Variants in BRIP1 observed in about 807,000 individuals in gnomAD.
BRIP1 encodes the protein BRCA1 interacting DNA helicase 1, also known as Fanconi anemia group J protein.
A neutral mutation model predicts 119.7 loss-of-function variants in BRIP1; 88 were observed. The ratio of observed to expected loss-of-function variants is 0.74; its 90% CI spans 0.62 to 0.88. The LOEUF is 0.88. BRIP1 is among the 40% of genes least tolerant of loss of function. BRIP1 has a pLI of 0.00. For missense variants in BRIP1, 1,259 were observed against 1,455.4 expected (o/e 0.87, Z 2.20); for synonymous variants, 443 against 496.5 (o/e 0.89, Z 1.43).
In BRIP1 at chr17:61,780,209, A is replaced by G. The variant is rs905597900; in HGVS notation, c.1935+52T>C. On this transcript the variant is annotated intron_variant, in intron 13 of 19. Coordinates refer to ENST00000259008, the MANE Select transcript of BRIP1 (RefSeq NM_032043.3). The surrounding 1 kb of genome is among the most constrained non-coding windows in gnomAD (Gnocchi z 5.4). ...TATCTTCTAACTTGTTTACATAGTT[A>G]TATTGAAGTAGAAACACTGAAGGCC... 4 of 1,549,360 alleles carry G rather than the reference A, an allele frequency of 2.6e-6. No individual in the cohort carries two copies. Among genetic ancestry groups the G allele is most frequent in the Admixed American group, 1.7e-5 (1 of 59,014 alleles).
rs553462725 is a variant in BRIP1 at position 61,846,242 on chromosome 17, G to A, written c.627+859C>T. Among the ~76,000 whole-genome samples, 804 of 123,586 alleles carry A rather than the reference G, an allele frequency of 6.5e-3. 4 individuals are homozygous for A. Among genetic ancestry groups the A allele is most frequent in the African/African-American group, 0.023 (382 of 16,408 alleles). The allele number at this position is 123,586 out of a possible 152,430, so 81.1% of individuals were successfully genotyped here. A position where few individuals can be genotyped will look rare whatever the true frequency, so the allele number is the denominator to read the frequency against. ...ATATACATATAGAGAGAGAGAGAGAGAAAAAGAGAGAGAGAGAGAAAGAGA... is the reference window on the plus strand; with the variant it reads ...ATATACATATAGAGAGAGAGAGAGAAAAAAAGAGAGAGAGAGAGAAAGAGA... On this transcript the variant is annotated intron_variant, in intron 6 of 19. Transcript: ENST00000259008. This position sits in a 1 kb window ranked among gnomAD's most constrained non-coding sequence, Gnocchi z 4.3.
intron 6 of BRIP1, among the ~76,000 whole-genome samples, chr17:61,837,491 C>A (rs562679372): frequency 6.6e-6 from 1 of 151,986 alleles, no homozygotes; most frequent in East Asian, 1.9e-4. Flanking sequence ...TACATTAAAT[C>A]AAATATAATT....
At chr17:61,829,783 G>T (rs2078461849) in intron 6 of BRIP1, among the ~76,000 whole-genome samples, 1 of 151,788 alleles carries the variant, frequency 6.6e-6, no homozygotes, top group African/African-American at 2.4e-5. Context: ...GAAATCACAA[G>T]GGAAATCAGA....
In BRIP1 at chr17:61,834,905, C is replaced by T. The variant is rs2078548258; in HGVS notation, c.627+12196G>A. On this transcript the variant is annotated intron_variant, in intron 6 of 19. Coordinates refer to ENST00000259008, the MANE Select transcript of BRIP1 (RefSeq NM_032043.3). This position sits in a 1 kb window ranked among gnomAD's most constrained non-coding sequence, Gnocchi z 4.4. ...AGCAGAAGAAATGCCCAGCTGAGCCCACCCTAAATTGCTGACCCCCACAAC... is the reference window on the plus strand; with the variant it reads ...AGCAGAAGAAATGCCCAGCTGAGCCTACCCTAAATTGCTGACCCCCACAAC... 6.6e-6 allele frequency among the ~76,000 whole-genome samples: 1 copy of T among 152,144 alleles called. No homozygotes were observed. Among genetic ancestry groups the T allele is most frequent in the Non-Finnish European group, 1.5e-5 (1 of 68,030 alleles).
At position 61,808,695 on chromosome 17, in the gene BRIP1, C is replaced by T. The variant is rs751460179; in HGVS notation, c.690G>A (p.Ser230=). 9 of 1,613,688 alleles carry T rather than the reference C, an allele frequency of 5.6e-6. No individual in the cohort carries two copies. The highest frequency in any genetic ancestry group is 3.3e-5 in the South Asian group (3 of 91,072). The change falls in exon 7 of 20, where the codon TCG becomes TCA. Residue 230 remains serine (S), a synonymous_variant. Transcript: ENST00000259008. The surrounding 1 kb of genome is among the most constrained non-coding windows in gnomAD (Gnocchi z 4.1). ...STKQGNSQES[S]NTIKKDHTGK... is the part of the protein sequence containing the mutation. ...CTGTATGATCCTTCTTAATGGTATTCGATGACTCTTGACTGTTTCCTTGTT... is the reference window on the plus strand; with the variant it reads ...CTGTATGATCCTTCTTAATGGTATTTGATGACTCTTGACTGTTTCCTTGTT...
Position 61,804,120 on chromosome 17 carries a change from A to G in BRIP1, c.919-2646T>C, listed in dbSNP as rs530723610. Among the ~76,000 whole-genome samples the G allele has an allele frequency of 5.9e-5, 9 of 152,250 alleles. No individual in the cohort carries two copies. The highest frequency in any genetic ancestry group is 2.0e-4 in the Admixed American group (3 of 15,290). On this transcript the variant is annotated intron_variant, in intron 7 of 19. Transcript: ENST00000259008. The surrounding 1 kb of genome is among the most constrained non-coding windows in gnomAD (Gnocchi z 4.5). The stretch of plus-strand genomic sequence containing the variant: ...CATTCTGGTAGAATAGATATATAAA[A>G]TCTTACAGTAGTTACCTTAAAGGAT...
At position 61,774,135 on chromosome 17, in the gene BRIP1, A is replaced by C. The variant is rs1399870224; in HGVS notation, c.2097+2266T>G. Among the ~76,000 whole-genome samples, 1 of 152,232 alleles carries C rather than the reference A, an allele frequency of 6.6e-6. No homozygotes were observed. Among genetic ancestry groups the C allele is most frequent in the Non-Finnish European group, 1.5e-5 (1 of 68,026 alleles). ...CATGCTACTATAAAGACACATGCAT[A>C]CGTATATTTATTGCAGCCTATTCAC... On this transcript the variant is annotated intron_variant, in intron 14 of 19. Coordinates refer to ENST00000259008, the MANE Select transcript of BRIP1 (RefSeq NM_032043.3). This position sits in a 1 kb window ranked among gnomAD's most constrained non-coding sequence, Gnocchi z 5.8.
At chr17:61,863,006 A>G (rs1178534112) in intron 1 of BRIP1, among the ~76,000 whole-genome samples, 23 of 152,174 alleles carry the variant, frequency 1.5e-4, no homozygotes, top group Non-Finnish European at 1.5e-5. Context: ...CTGTGGCAAC[A>G]ATAGTGTCAA....
At chr17:61,826,994 C>T (rs2078419318) in intron 6 of BRIP1, among the ~76,000 whole-genome samples, 1 of 152,180 alleles carries the variant, frequency 6.6e-6, no homozygotes. Flanking sequence ...AAGCACTATG[C>T]ACAATAGCAA....
rs765483944 is a variant in BRIP1, at chr17:61,774,531, G to C, written c.2097+1870C>G. Among the ~76,000 whole-genome samples the C allele has an allele frequency of 9.2e-5, 14 of 151,926 alleles. No individual in the cohort carries two copies. The highest frequency in any genetic ancestry group is 3.1e-4 in the African/African-American group (13 of 41,334). On this transcript the variant is annotated intron_variant, in intron 14 of 19. Coordinates refer to ENST00000259008, the MANE Select transcript of BRIP1 (RefSeq NM_032043.3). This position sits in a 1 kb window ranked among gnomAD's most constrained non-coding sequence, Gnocchi z 5.8. ...GCAAACCAGCATGGCACATGTATAC[G>C]TATGTAACAAACCTGCACGTTGTGC...
Position 61,744,399 on chromosome 17 carries a change from T to G in BRIP1, c.2257+33A>C. 1 of 1,603,538 alleles carries G rather than the reference T, an allele frequency of 6.2e-7. No homozygotes were observed. Among genetic ancestry groups the G allele is most frequent in the East Asian group, 2.2e-5 (1 of 44,706 alleles). ...CTTCTTACTTTGTAATAAAAAATAT[T>G]TTTTCACCGACCATGAAATAATTTC... On this transcript the variant is annotated intron_variant, in intron 15 of 19. Transcript: ENST00000259008. The surrounding 1 kb of genome is among the most constrained non-coding windows in gnomAD (Gnocchi z 5.0).
chr17:61,801,974 AG>A (rs1318156114), intron 7 of BRIP1, among the ~76,000 whole-genome samples: 2 of 152,138 alleles, frequency 1.3e-5, no homozygotes, highest in African/African-American at 2.4e-5. Flanking sequence ...GAAGGTAAGT[AG>A]GTAGGTTGGA....
At chr17:61,837,008 A>G (rs934998199) in intron 6 of BRIP1, among the ~76,000 whole-genome samples, 2 of 152,238 alleles carry the variant, frequency 1.3e-5, no homozygotes, top group Non-Finnish European at 2.9e-5. Context: ...TCTGTGGCTC[A>G]GTTTCCTCAG....
rs375146450 is a variant in BRIP1, at chr17:61,743,067, A to C, written c.2325T>G (p.Asn775Lys). ...VSEGLDFSDD[N>K]ARAVITIGIP... ...TTCCTATTGTTATGACAGCACGGGCATTGTCATCTGAGAAATCCAGACCCT... is the reference window on the plus strand; with the variant it reads ...TTCCTATTGTTATGACAGCACGGGCCTTGTCATCTGAGAAATCCAGACCCT... The change falls in exon 16 of 20, where the codon AAT becomes AAG. Residue 775 changes from asparagine (N) to lysine (K), a missense_variant. Transcript: ENST00000259008. The surrounding 1 kb of genome is among the most constrained non-coding windows in gnomAD (Gnocchi z 4.3). The C allele has an allele frequency of 9.9e-6, 16 of 1,613,790 alleles. No homozygotes were observed. Among genetic ancestry groups the C allele is most frequent in the Middle Eastern group, 3.3e-4 (2 of 6,082 alleles).
chr17:61,804,199 CA>C lies in BRIP1; in HGVS notation c.919-2726del, dbSNP rs2078037803. ...TCTCTTTTCATTTTCTAACCACATA[CA>C]TGTACTACTTCTCTTTTTCAATTGT... On this transcript the variant is annotated intron_variant, in intron 7 of 19. Transcript: ENST00000259008. This position sits in a 1 kb window ranked among gnomAD's most constrained non-coding sequence, Gnocchi z 4.5. Among the ~76,000 whole-genome samples, 1 of 152,078 alleles carries C rather than the reference CA, an allele frequency of 6.6e-6. No individual in the cohort carries two copies. The highest frequency in any genetic ancestry group is 1.5e-5 in the Non-Finnish European group (1 of 68,010).
chr17:61,762,711 G>T lies in BRIP1; in HGVS notation c.2097+13690C>A, dbSNP rs539510772. 4.0e-4 allele frequency among the ~76,000 whole-genome samples: 61 copies of T among 152,208 alleles called. No homozygotes were observed. The highest frequency in any genetic ancestry group is 1.0e-3 in the South Asian group (5 of 4,818). On this transcript the variant is annotated intron_variant, in intron 14 of 19. Transcript: ENST00000259008. This position sits in a 1 kb window ranked among gnomAD's most constrained non-coding sequence, Gnocchi z 4.3. ...CTGTAACAATGGCTACTGTCAAAAA[G>T]ATGAAAGATAACAAAGTGTTGGTGA...
chr17:61,837,198 G>A (rs2078587843), intron 6 of BRIP1, among the ~76,000 whole-genome samples: 1 of 152,196 alleles, frequency 6.6e-6, no homozygotes, highest in Admixed American at 6.5e-5. Flanking sequence ...GCTTAGCAGA[G>A]TGTCTGGCAC....
At position 61,861,256 on chromosome 17, in the gene BRIP1, T is replaced by A. The variant is rs2078968395; in HGVS notation, c.93+191A>T. Among the ~76,000 whole-genome samples, 1 of 152,208 alleles carries A rather than the reference T, an allele frequency of 6.6e-6. No individual in the cohort carries two copies. The highest frequency in any genetic ancestry group is 2.4e-5 in the African/African-American group (1 of 41,448). The stretch of plus-strand genomic sequence containing the variant: ...GAGAACATTTTTCAGAATGTTCTTC[T>A]TTGCCTTAACCACAGATATATACAG... On this transcript the variant is annotated intron_variant, in intron 2 of 19. Transcript: ENST00000259008. The surrounding 1 kb of genome is among the most constrained non-coding windows in gnomAD (Gnocchi z 4.5).
At chr17:61,741,922 G>A (rs1169549656) in intron 16 of BRIP1, among the ~76,000 whole-genome samples, 4 of 152,192 alleles carry the variant, frequency 2.6e-5, no homozygotes, top group Non-Finnish European at 5.9e-5. Flanking sequence ...GAAGCTTTGA[G>A]GTCAGGCATT....
Sources: gnomAD v4.1 joint callset for allele counts (sites outside exome capture counted in the v4.1 genomes callset) on GRCh38, gnomAD v4.1.1 for gene constraint, Gnocchi (gnomAD v3.1) non-coding constraint, MANE v1.5 for transcripts, NCBI Gene and HGNC (gene_info 2026-07-23, HGNC 2026-07-21) for gene names.